LOC128092252: variants seen among roughly 807,000 people sequenced by gnomAD.
chr15:50,669,276 A>T, the LOC128092252 span, among the ~76,000 whole-genome samples: 2 of 152,088 alleles, frequency 1.3e-5, no homozygotes, highest in South Asian at 2.1e-4. Flanking sequence ...TCTACTAAAA[A>T]TACAAAAAAT....
the LOC128092252 span, among the ~76,000 whole-genome samples, chr15:50,678,669 G>A: frequency 2.0e-5 from 3 of 151,898 alleles, no homozygotes; most frequent in Non-Finnish European, 2.9e-5. Flanking sequence ...AACCCTATGA[G>A]AGTTTTAAAG....
At chr15:50,650,885 G>T in the LOC128092252 span, among the ~76,000 whole-genome samples, 5 of 152,152 alleles carry the variant, frequency 3.3e-5, no homozygotes. Flanking sequence ...TTGTCAGCAT[G>T]CATGAAAAAT....
At chr15:50,656,806 G>T in the LOC128092252 span, among the ~76,000 whole-genome samples, 1 of 151,930 alleles carries the variant, frequency 6.6e-6, no homozygotes, top group African/African-American at 2.4e-5. Flanking sequence ...TTACTCAGTT[G>T]CCTAAGAAGG....
chr15:50,682,899 CTTT>C, the LOC128092252 span, among the ~76,000 whole-genome samples: 1 of 143,276 alleles, frequency 7.0e-6, no homozygotes. Flanking sequence ...CGGTACCAAA[CTTT>C]TTTTTTTTTT....
At chr15:50,655,270 C>T in the LOC128092252 span, among the ~76,000 whole-genome samples, 4 of 151,514 alleles carry the variant, frequency 2.6e-5, no homozygotes, top group East Asian at 7.8e-4. Flanking sequence ...CCCATCTCTA[C>T]TAATAATACA....
the LOC128092252 span, among the ~76,000 whole-genome samples, chr15:50,660,642 T>C: frequency 6.6e-6 from 1 of 152,124 alleles, no homozygotes; most frequent in East Asian, 1.9e-4. Context: ...TGAGCCACCA[T>C]GCCCAGCCTA....
At chr15:50,662,865 A>G in the LOC128092252 span, 4 of 846,374 alleles carry the variant, frequency 4.7e-6, no homozygotes, top group Admixed American at 2.6e-5. Context: ...AACAGTAAGT[A>G]CAAATAATTT....
the LOC128092252 span, among the ~76,000 whole-genome samples, chr15:50,683,114 C>T: frequency 6.6e-6 from 1 of 151,766 alleles, no homozygotes; most frequent in East Asian, 1.9e-4. Flanking sequence ...TCTTGTACTC[C>T]TGGGCTCAAG....
the LOC128092252 span, among the ~76,000 whole-genome samples, chr15:50,679,320 G>C: frequency 6.9e-6 from 1 of 145,498 alleles, no homozygotes; most frequent in Non-Finnish European, 1.5e-5. Context: ...GGGCAACAGA[G>C]CAAAACACTA....
At chr15:50,661,851 A>T in the LOC128092252 span, among the ~76,000 whole-genome samples, 1 of 152,198 alleles carries the variant, frequency 6.6e-6, no homozygotes, top group African/African-American at 2.4e-5. Context: ...CCATGAAGAA[A>T]AGTGCTCTAT....
chr15:50,674,122 G>A, the LOC128092252 span, among the ~76,000 whole-genome samples: 333 of 152,238 alleles, frequency 2.2e-3, 3 homozygotes, highest in Non-Finnish European at 2.7e-3. Context: ...TGGAGTAGCT[G>A]AGATAACAGG....
the LOC128092252 span, among the ~76,000 whole-genome samples, chr15:50,684,166 T>C: frequency 6.6e-6 from 1 of 151,170 alleles, no homozygotes; most frequent in Non-Finnish European, 1.5e-5. Flanking sequence ...GTTTTTTTTT[T>C]TTCTGAGACA....
At chr15:50,686,505 C>T in the LOC128092252 span, 7 of 1,613,980 alleles carry the variant, frequency 4.3e-6, no homozygotes, top group Non-Finnish European at 5.1e-6. Context: ...AACCATTCCC[C>T]GCCCGGGCCT....
At chr15:50,660,067 T>C in the LOC128092252 span, among the ~76,000 whole-genome samples, 28 of 152,348 alleles carry the variant, frequency 1.8e-4, no homozygotes, top group African/African-American at 6.0e-4. Context: ...GCTTAAATAC[T>C]AATCCCATCT....
the LOC128092252 span, among the ~76,000 whole-genome samples, chr15:50,672,194 C>T: frequency 1.3e-5 from 2 of 152,124 alleles, no homozygotes; most frequent in South Asian, 2.1e-4. Context: ...GCTGGGACTA[C>T]AGGCAACCAC....
At chr15:50,681,175 C>T in the LOC128092252 span, among the ~76,000 whole-genome samples, 400 of 151,934 alleles carry the variant, frequency 2.6e-3, 1 homozygote, top group African/African-American at 9.3e-3. Context: ...CACTTGAACC[C>T]GGGAGGCAGA....
the LOC128092252 span, among the ~76,000 whole-genome samples, chr15:50,670,795 T>TA: frequency 2.4e-4 from 25 of 102,890 alleles, no homozygotes; most frequent in East Asian, 2.4e-4. Context: ...CACTTTACTG[T>TA]AAAAAAAAGA....
At chr15:50,679,511 AATATATATAT>A in the LOC128092252 span, among the ~76,000 whole-genome samples, 21 of 75,414 alleles carry the variant, frequency 2.8e-4, no homozygotes, top group African/African-American at 1.4e-3. Flanking sequence ...GTATATATAT[AATATATATAT>A]ATATATATAT....
At chr15:50,654,629 C>T in the LOC128092252 span, among the ~76,000 whole-genome samples, 3 of 151,446 alleles carry the variant, frequency 2.0e-5, no homozygotes, top group East Asian at 5.8e-4. Context: ...TGGTGCATCT[C>T]AGCAGTAAAA....
Sources: allele counts gnomAD v4.1 joint callset (sites outside exome capture counted in the v4.1 genomes callset), GRCh38; gene constraint gnomAD v4.1.1; transcripts MANE v1.5.